Variants in ATXN7 observed in about 807,000 individuals in gnomAD.
ATXN7 encodes the protein ataxin 7, also known as ataxin-7.
ATXN7 carries 12 observed loss-of-function variants against 70.5 expected under a neutral mutation model. The ratio of observed to expected loss-of-function variants is 0.17; its 90% CI spans 0.11 to 0.28. The LOEUF is 0.28. Among genes scored for constraint, ATXN7 ranks in the 10% least tolerant of loss-of-function variants. ATXN7 has a pLI of 1.00. For synonymous variants in ATXN7, 498 were observed against 448.7 expected (o/e 1.11, Z -1.39); for missense variants, 1,256 against 1,131.7 (o/e 1.11, Z -1.58).
At chr3:63,994,482 G>C (rs1002486636) in intron 11 of ATXN7, among the ~76,000 whole-genome samples, 1 of 152,172 alleles carries the variant, frequency 6.6e-6, no homozygotes, top group African/African-American at 2.4e-5. Flanking sequence ...TGATCCACCA[G>C]CCTCAGCCTC....
intron 1 of ATXN7, among the ~76,000 whole-genome samples, chr3:63,891,303 A>G (rs1299266646): frequency 6.9e-6 from 1 of 145,954 alleles, no homozygotes; most frequent in Admixed American, 6.9e-5. Flanking sequence ...GCGACGAGCG[A>G]CTGCACCTGG....
At chr3:63,982,036 C>T in intron 6 of ATXN7, 150 bp from the exon 7 acceptor site, 1 of 1,038,498 alleles carries the variant, frequency 9.6e-7, no homozygotes, top group Non-Finnish European at 1.4e-6. Context: ...ATGAACCTTA[C>T]TAACAAAACT....
At chr3:63,928,933 A>G (rs1254371072) in intron 4 of ATXN7, among the ~76,000 whole-genome samples, 1 of 152,156 alleles carries the variant, frequency 6.6e-6, no homozygotes, top group Admixed American at 6.5e-5. Context: ...AGAGGGGGAA[A>G]TGGATTATGT....
chr3:63,943,299 C>T (rs1471970314), intron 4 of ATXN7, among the ~76,000 whole-genome samples: 4 of 152,066 alleles, frequency 2.6e-5, no homozygotes, highest in Admixed American at 6.5e-5. Context: ...TTGAGGTTGC[C>T]GATGTTAGGC....
chr3:63,964,073 A>AACACACACACAC lies in ATXN7; in HGVS notation c.499+11615_499+11626dup, dbSNP rs10557844. Among the ~76,000 whole-genome samples, 287 of 147,178 alleles carry AACACACACACAC rather than the reference A, an allele frequency of 2.0e-3. 4 individuals are homozygous for AACACACACACAC. Among genetic ancestry groups the AACACACACACAC allele is most frequent in the African/African-American group, 6.6e-3 (264 of 40,192 alleles). On this transcript the variant is annotated intron_variant, in intron 5 of 12. Coordinates refer to ENST00000674280, the MANE Select transcript of ATXN7 (RefSeq NM_001377405.1). ...TCTTACAATGTTCCTTAGACACATA[A>AACACACACACAC]ACACACACACACACACACACACACA... is the stretch of plus-strand genomic sequence containing the variant.
intron 5 of ATXN7, among the ~76,000 whole-genome samples, chr3:63,979,500 G>A (rs747166412): frequency 6.6e-6 from 1 of 152,156 alleles, no homozygotes; most frequent in South Asian, 2.1e-4. Flanking sequence ...AGAGAGGTGC[G>A]GTGTTAGAAA....
intron 4 of ATXN7, among the ~76,000 whole-genome samples, chr3:63,936,065 A>G (rs2074656966): frequency 6.6e-6 from 1 of 152,208 alleles, no homozygotes. Context: ...AGATGTTAAG[A>G]TGTAAGTCCC....
intron 5 of ATXN7, among the ~76,000 whole-genome samples, chr3:63,971,368 A>G (rs565386690): frequency 2.4e-4 from 37 of 152,320 alleles, no homozygotes; most frequent in African/African-American, 8.7e-4. Flanking sequence ...CAATTAGACT[A>G]CACTCAGCTC....
chr3:63,899,868 C>T (rs144331471), intron 2 of ATXN7, among the ~76,000 whole-genome samples: 4 of 152,160 alleles, frequency 2.6e-5, no homozygotes, highest in East Asian at 1.9e-4. Context: ...CTGCCCTCCT[C>T]GGCCTCCCAA....
At chr3:63,930,138 C>T (rs1575911497) in intron 4 of ATXN7, among the ~76,000 whole-genome samples, 4 of 152,014 alleles carry the variant, frequency 2.6e-5, no homozygotes, top group South Asian at 2.1e-4. Flanking sequence ...GAAATAGTGC[C>T]GAGGACTTTG....
chr3:63,985,286 T>C (rs369765344), intron 8 of ATXN7, among the ~76,000 whole-genome samples: 1 of 152,190 alleles, frequency 6.6e-6, no homozygotes, highest in African/African-American at 2.4e-5. Context: ...TTTCAAATGA[T>C]ATATGCTCCC....
intron 4 of ATXN7, among the ~76,000 whole-genome samples, chr3:63,919,043 C>T (rs1432893137): frequency 6.6e-6 from 1 of 152,092 alleles, no homozygotes; most frequent in African/African-American, 2.4e-5. Flanking sequence ...CCCAGAAAGA[C>T]CCTCCTGTAG....
chr3:63,973,345 A>C (rs544748182), intron 5 of ATXN7, among the ~76,000 whole-genome samples: 1 of 152,026 alleles, frequency 6.6e-6, no homozygotes, highest in African/African-American at 2.4e-5. Context: ...AAGCATGCAT[A>C]TTGTGTTGTG....
At chr3:63,905,225 T>A (rs1703795051) in intron 2 of ATXN7, 1 of 152,156 alleles carries the variant, frequency 6.6e-6, no homozygotes, top group Non-Finnish European at 1.5e-5. Context: ...ATTTAATTTT[T>A]TTTTGAGACG....
chr3:63,936,166 C>T (rs1371496940), intron 4 of ATXN7, among the ~76,000 whole-genome samples: 2 of 152,180 alleles, frequency 1.3e-5, no homozygotes, highest in Admixed American at 6.5e-5. Context: ...ACGTTAGTCG[C>T]TTTTCCCTTA....
intron 8 of ATXN7, among the ~76,000 whole-genome samples, chr3:63,984,416 GA>G (rs2106767938): frequency 6.6e-6 from 1 of 152,212 alleles, no homozygotes; most frequent in East Asian, 1.9e-4. Flanking sequence ...GGTGGTGTAT[GA>G]AGATAGCCAC....
chr3:63,969,949 G>A (rs544291767), intron 5 of ATXN7, among the ~76,000 whole-genome samples: 2 of 152,274 alleles, frequency 1.3e-5, no homozygotes, highest in South Asian at 4.1e-4. Flanking sequence ...AGAAAGGGGA[G>A]TGAAATTTTA....
chr3:63,956,200 G>C (rs940294128), intron 5 of ATXN7, among the ~76,000 whole-genome samples: 1 of 152,050 alleles, frequency 6.6e-6, no homozygotes, highest in Non-Finnish European at 1.5e-5. Flanking sequence ...AAATACTCCA[G>C]TGTGCCTCAT....
intron 4 of ATXN7, among the ~76,000 whole-genome samples, chr3:63,936,465 T>C (rs2074664558): frequency 6.6e-6 from 1 of 152,186 alleles, no homozygotes; most frequent in African/African-American, 2.4e-5. Flanking sequence ...TGCTATAAAA[T>C]CAAGACGGAG....
Sources: allele counts gnomAD v4.1 joint callset (sites outside exome capture counted in the v4.1 genomes callset), GRCh38; gene constraint gnomAD v4.1.1; transcripts MANE v1.5; gene names NCBI Gene and HGNC (gene_info 2026-07-23, HGNC 2026-07-21).